The following NOP9 variants were observed in gnomAD, a reference collection of about 807,000 sequenced individuals.
The protein encoded by NOP9 is NOP9 nucleolar protein.
A neutral mutation model predicts 63.0 loss-of-function variants in NOP9; 50 were observed. The ratio of observed to expected loss-of-function variants is 0.79; its 90% confidence interval spans 0.63 to 1.00. The LOEUF (loss-of-function observed/expected upper bound fraction) is 1.00. Among genes scored for constraint, NOP9 ranks in the 50% least tolerant of loss-of-function variants. The pLI is 0.00. For missense variants in NOP9, 758 were observed against 803.0 expected (o/e 0.94, Z 0.68); for synonymous variants, 343 against 332.8 (o/e 1.03, Z -0.33).
upstream of NOP9, chr14:24,299,468 C>T (rs185461865): frequency 1.0e-3 from 229 of 225,142 alleles, no homozygotes; most frequent in Non-Finnish European, 1.7e-3. Context: ...TCTGAAGCTC[C>T]GGTCCCTGGC....
At chr14:24,291,524 C>T in the NOP9 span, 24 of 1,612,054 alleles carry the variant, frequency 1.5e-5, no homozygotes, top group South Asian at 5.5e-5. Flanking sequence ...CCTCCATGCC[C>T]TTTCTTATTA....
In NOP9 at chr14:24,306,232, T is replaced by C; in HGVS notation, c.*1137T>C. On this transcript the variant is annotated 3_prime_UTR_variant, in exon 10 of 10. Coordinates refer to ENST00000267425, the MANE Select transcript of NOP9 (RefSeq NM_174913.3). The stretch of plus-strand genomic sequence containing the variant: ...GGGTCAGACCCTCCCTCGCTTGGAC[T>C]TTCTGTCCACTGTGTGACATCCTTG... The C allele has an allele frequency of 6.6e-7, 1 of 1,519,740 alleles. No homozygotes were observed. Among genetic ancestry groups the C allele is most frequent in the East Asian group, 2.3e-5 (1 of 44,226 alleles). The allele number at this position is 1,519,740 out of a possible 1,614,324, so 94.1% of individuals were successfully genotyped here.
At position 24,306,087 on chromosome 14, in the gene NOP9, C is replaced by G. The variant is rs756491712; in HGVS notation, c.*992C>G. 6.2e-7 allele frequency: 1 copy of G among 1,614,146 alleles called. No individual in the cohort carries two copies. The highest frequency in any genetic ancestry group is 8.5e-7 in the Non-Finnish European group (1 of 1,180,014). ...CGTCAAAGGTGAATCGGGCGATGTC[C>G]TTGCTGTGCTTGGGCCTCTCCCGTC... On this transcript the variant is annotated 3_prime_UTR_variant, in exon 10 of 10. Transcript: ENST00000267425.
chr14:24,304,194 G>A lies in NOP9; in HGVS notation c.1564G>A (p.Ala522Thr), dbSNP rs747006118. 18 of 1,614,056 alleles carry A rather than the reference G, an allele frequency of 1.1e-5. No homozygotes were observed. The highest frequency in any genetic ancestry group is 6.7e-5 in the East Asian group (3 of 44,896). Residue 522 changes from alanine (A) to threonine (T), a missense_variant, in exon 8 of 10, where the codon GCT (alanine) becomes ACT (threonine). Ala to Thr is a moderately conservative substitution (Grantham distance 58, BLOSUM62 0). Coordinates refer to ENST00000267425, the MANE Select transcript of NOP9 (RefSeq NM_174913.3). ...GCTTCTGTCCCTTGCCCAAAGTCCC[G>A]CTGGCTCTCATGTGCTCGATGCCAT... ...PQLLSLAQSP[A>T]GSHVLDAILT...
chr14:24,274,278 A>G, the NOP9 span, among the ~76,000 whole-genome samples: 1 of 152,194 alleles, frequency 6.6e-6, no homozygotes, highest in African/African-American at 2.4e-5. Context: ...GTGATTAGCA[A>G]TCTTGAAACT....
At chr14:24,298,991 C>T (rs774414811), upstream of NOP9, 2 of 1,612,924 alleles carry the variant, frequency 1.2e-6, no homozygotes, top group Admixed American at 1.7e-5. Flanking sequence ...GTCCAGATGG[C>T]GGCCAGTGAT....
Position 24,306,773 on chromosome 14 carries a change from C to CA in NOP9, c.*1679dup. On this transcript the variant is annotated 3_prime_UTR_variant, in exon 10 of 10. Coordinates refer to ENST00000267425, the MANE Select transcript of NOP9 (RefSeq NM_174913.3). ...CATCTCCCCTTGCTCCCCTCCAAGT[C>CA]ACTTCTGGTTTGGAATTGGAAAGCA... 1 of 525,072 alleles carries CA rather than the reference C, an allele frequency of 1.9e-6. No individual in the cohort carries two copies. The highest frequency in any genetic ancestry group is 3.4e-6 in the Non-Finnish European group (1 of 291,654). The allele number at this position is 525,072 out of a possible 1,614,324, so 32.5% of individuals were successfully genotyped here. A position where few individuals can be genotyped will look rare whatever the true frequency, so the allele number is the denominator to read the frequency against.
In NOP9 at chr14:24,305,055, C is replaced by T; in HGVS notation, c.1871C>T (p.Ala624Val). 6.3e-7 allele frequency: 1 copy of T among 1,591,382 alleles called. No homozygotes were observed. The highest frequency in any genetic ancestry group is 1.8e-5 in the Admixed American group (1 of 56,130). Residue 624 changes from alanine to valine, a missense_variant, in exon 10 of 10, where the codon GCC becomes GTC. Coordinates refer to ENST00000267425, the MANE Select transcript of NOP9 (RefSeq NM_174913.3). ...TGGGAACAGCAGCAGGGTGCGGTGGCCAAGCGGAGGCGGGCATTGAACTCC... is the reference window on the plus strand; with the variant it reads ...TGGGAACAGCAGCAGGGTGCGGTGGTCAAGCGGAGGCGGGCATTGAACTCC... ...EAWEQQQGAV[A>V]KRRRALNSIL...
At position 24,306,003 on chromosome 14, in the gene NOP9, G is replaced by A. The variant is rs367645614; in HGVS notation, c.*908G>A. 3.0e-5 allele frequency: 48 copies of A among 1,614,060 alleles called. No homozygotes were observed. The African/African-American group carries it at 3.2e-4, about 11-fold the overall frequency. On this transcript the variant is annotated 3_prime_UTR_variant, in exon 10 of 10. Transcript: ENST00000267425. Reference sequence around the variant, plus strand: ...AGTCACAACTCATAGAGTAGAGCCCGTAGAATGTGGCTTTGACATTCAGGC... The same window carrying A: ...AGTCACAACTCATAGAGTAGAGCCCATAGAATGTGGCTTTGACATTCAGGC...
At chr14:24,277,896 G>A in the NOP9 span, among the ~76,000 whole-genome samples, 2 of 152,186 alleles carry the variant, frequency 1.3e-5, no homozygotes, top group Admixed American at 6.5e-5. Context: ...TTGGGACCCA[G>A]ATGAAATCAA....
chr14:24,285,476 GGAGA>G, the NOP9 span, among the ~76,000 whole-genome samples: 1 of 152,136 alleles, frequency 6.6e-6, no homozygotes, highest in Non-Finnish European at 1.5e-5. Flanking sequence ...CTCCTCTGCT[GGAGA>G]GAGAGGCCCA....
chr14:24,279,830 A>G, the NOP9 span, among the ~76,000 whole-genome samples: 1 of 152,186 alleles, frequency 6.6e-6, no homozygotes, highest in Non-Finnish European at 1.5e-5. Flanking sequence ...TTTTGGGCAT[A>G]TATGATGTGA....
intron 5 of NOP9, 115 bp from the exon 6 acceptor site, chr14:24,302,959 A>G: frequency 7.9e-7 from 1 of 1,262,796 alleles, no homozygotes; most frequent in Non-Finnish European, 1.1e-6. Flanking sequence ...TGATACTGGC[A>G]ATGCTTTTTA....
chr14:24,293,676 C>A, the NOP9 span: 1 of 151,674 alleles, frequency 6.6e-6, no homozygotes, highest in Non-Finnish European at 1.5e-5. Flanking sequence ...CTTTCCCTAC[C>A]CCTGCTGTCA....
the NOP9 span, chr14:24,291,095 G>A: frequency 6.2e-7 from 1 of 1,613,416 alleles, no homozygotes; most frequent in South Asian, 1.1e-5. Flanking sequence ...GCAGGGAACA[G>A]AGGGAACAGC....
chr14:24,303,982 G>T, intron 7 of NOP9, 59 bp from the exon 8 acceptor site: 1 of 1,580,480 alleles, frequency 6.3e-7, no homozygotes. Context: ...GTGTTCTGGG[G>T]ATGGGCTCAT....
the NOP9 span, among the ~76,000 whole-genome samples, chr14:24,278,371 A>C: frequency 6.6e-6 from 1 of 152,228 alleles, no homozygotes; most frequent in East Asian, 1.9e-4. Flanking sequence ...GACATCCATC[A>C]CCAAATAATA....
the NOP9 span, among the ~76,000 whole-genome samples, chr14:24,280,239 T>A: frequency 6.6e-6 from 1 of 152,222 alleles, no homozygotes; most frequent in Non-Finnish European, 1.5e-5. Context: ...GACAACTCTG[T>A]CAACTGCTCT....
At chr14:24,287,983 CA>C in the NOP9 span, among the ~76,000 whole-genome samples, 6 of 152,352 alleles carry the variant, frequency 3.9e-5, no homozygotes, top group South Asian at 2.1e-4. Flanking sequence ...CTTCTACCTT[CA>C]ATCAAAAGTG....
Sources: gnomAD v4.1 joint callset for allele counts (sites outside exome capture counted in the v4.1 genomes callset) on GRCh38, gnomAD v4.1.1 for gene constraint, MANE v1.5 for transcripts, NCBI Gene and HGNC (gene_info 2026-07-23, HGNC 2026-07-21) for gene names.